The following DNAJC15 variants were observed in gnomAD, a reference collection of about 807,000 sequenced individuals.
DNAJC15 encodes dnaJ homolog subfamily C member 15.
A neutral mutation model predicts 22.4 loss-of-function variants in DNAJC15; 27 were observed. The ratio of observed to expected loss-of-function variants is 1.20; its 90% confidence interval spans 0.89 to 1.66. The LOEUF (loss-of-function observed/expected upper bound fraction) is 1.66. DNAJC15 is among the 40% of genes most tolerant of loss of function. DNAJC15 has a pLI of 0.00. For missense variants in DNAJC15, 208 were observed against 187.1 expected (o/e 1.11, Z -0.65); for synonymous variants, 79 against 63.2 (o/e 1.25, Z -1.19).
intron 3 of DNAJC15, among the ~76,000 whole-genome samples, chr13:43,077,005 A>G (rs953886325): frequency 6.6e-6 from 1 of 152,184 alleles, no homozygotes; most frequent in Non-Finnish European, 1.5e-5. Flanking sequence ...AAAGTGTTGC[A>G]GTCTTTAGGG....
rs2040581216 is a variant in DNAJC15 at position 43,065,865 on chromosome 13, T to G, written c.160+128T>G. The stretch of plus-strand genomic sequence containing the variant: ...TCAGACATAATACATTCTCATTCTT[T>G]CCACCATTTGTAGTTACTGAACATT... On this transcript the variant is annotated intron_variant, in intron 2 of 5. Coordinates refer to ENST00000379221, the MANE Select transcript of DNAJC15 (RefSeq NM_013238.3). 4.0e-6 allele frequency: 3 copies of G among 755,848 alleles called. No homozygotes were observed. The South Asian group carries it at 6.3e-5, about 16-fold the overall frequency. 46.8% of individuals were successfully genotyped at this position (755,848 alleles called of 1,614,324 possible). A position where few individuals can be genotyped will look rare whatever the true frequency, so the allele number is the denominator to read the frequency against.
chr13:43,037,669 G>A (rs2040435039), intron 1 of DNAJC15, among the ~76,000 whole-genome samples: 1 of 151,868 alleles, frequency 6.6e-6, no homozygotes, highest in Non-Finnish European at 1.5e-5. Flanking sequence ...TATAGTAATT[G>A]TAATAGCTAC....
chr13:43,107,494 A>ATGTTTTGTT lies in DNAJC15; in HGVS notation c.*246_*247insTGTTTTGTT, dbSNP rs2040803164. On this transcript the variant is annotated 3_prime_UTR_variant, in exon 6 of 6. Transcript: ENST00000379221. ...TTGTTTGTGACATTCATACATTTTT[A>ATGTTTTGTT]AGATTTTTGTTATGTTCTGAATTCC... 1 of 268,702 alleles carries ATGTTTTGTT rather than the reference A, an allele frequency of 3.7e-6. No individual in the cohort carries two copies. The allele number at this position is 268,702 out of a possible 1,614,324, so 16.6% of individuals were successfully genotyped here.
intron 1 of DNAJC15, among the ~76,000 whole-genome samples, chr13:43,037,806 ACAC>A (rs2040435588): frequency 6.6e-6 from 1 of 152,246 alleles, no homozygotes; most frequent in Non-Finnish European, 1.5e-5. Context: ...AGATGAAGGA[ACAC>A]ATGGAGGTCA....
chr13:43,073,573 A>AT (rs1323606239), intron 3 of DNAJC15, among the ~76,000 whole-genome samples: 3 of 152,234 alleles, frequency 2.0e-5, no homozygotes, highest in East Asian at 3.9e-4. Context: ...AGTTTCGCTG[A>AT]TTTTTTTATT....
At chr13:43,062,772 G>A (rs557651335) in intron 1 of DNAJC15, among the ~76,000 whole-genome samples, 97 of 152,106 alleles carry the variant, frequency 6.4e-4, no homozygotes, top group African/African-American at 2.2e-3. Flanking sequence ...AGGCTGGAGT[G>A]CAATGGTGCA....
chr13:43,060,797 G>A (rs2040555153), intron 1 of DNAJC15, among the ~76,000 whole-genome samples: 1 of 152,140 alleles, frequency 6.6e-6, no homozygotes, highest in Non-Finnish European at 1.5e-5. Flanking sequence ...TATAGAGGTG[G>A]GAAGGCCAAA....
chr13:43,102,138 T>G (rs1277195660), intron 5 of DNAJC15, among the ~76,000 whole-genome samples: 3 of 152,220 alleles, frequency 2.0e-5, no homozygotes, highest in Non-Finnish European at 2.9e-5. Context: ...AGGAGTAAGA[T>G]GGTATGGCAT....
chr13:43,063,833 A>T (rs994394160), intron 1 of DNAJC15, among the ~76,000 whole-genome samples: 1 of 152,246 alleles, frequency 6.6e-6, no homozygotes, highest in East Asian at 1.9e-4. Context: ...AAACAAAATT[A>T]TAAGGGAAGA....
intron 3 of DNAJC15, among the ~76,000 whole-genome samples, chr13:43,071,120 A>C (rs897332139): frequency 2.0e-5 from 3 of 152,242 alleles, no homozygotes; most frequent in Non-Finnish European, 4.4e-5. Context: ...GTGCAAAACT[A>C]CATTATTTAA....
intron 5 of DNAJC15, among the ~76,000 whole-genome samples, chr13:43,094,914 A>G (rs2040732363): frequency 6.6e-6 from 1 of 151,826 alleles, no homozygotes; most frequent in Non-Finnish European, 1.5e-5. Context: ...TTTACCTCTA[A>G]ATTTCCTCCC....
intron 1 of DNAJC15, among the ~76,000 whole-genome samples, chr13:43,046,743 G>A (rs527428546): frequency 1.8e-4 from 28 of 152,230 alleles, no homozygotes; most frequent in African/African-American, 6.7e-4. Flanking sequence ...CTTCTGGTCC[G>A]TGTTTGTTAC....
At chr13:43,090,739 G>T (rs1203034734) in intron 5 of DNAJC15, among the ~76,000 whole-genome samples, 2 of 140,702 alleles carry the variant, frequency 1.4e-5, no homozygotes, top group African/African-American at 5.3e-5. Flanking sequence ...ATAGAGTCTT[G>T]CTCCGTTGCC....
At chr13:43,087,768 C>G (rs1247342596) in intron 5 of DNAJC15, among the ~76,000 whole-genome samples, 1 of 152,172 alleles carries the variant, frequency 6.6e-6, no homozygotes, top group East Asian at 1.9e-4. Flanking sequence ...TAATTTGTTA[C>G]ACATTTCATT....
intron 1 of DNAJC15, among the ~76,000 whole-genome samples, chr13:43,062,717 T>TTTTTA (rs1566207523): frequency 2.0e-5 from 3 of 152,148 alleles, no homozygotes; most frequent in African/African-American, 7.2e-5. Flanking sequence ...ATATTTTTCT[T>TTTTTA]TTTTCTTTTC....
intron 1 of DNAJC15, among the ~76,000 whole-genome samples, chr13:43,047,223 G>T (rs1230335306): frequency 6.6e-6 from 1 of 152,144 alleles, no homozygotes; most frequent in Non-Finnish European, 1.5e-5. Flanking sequence ...CTAGATTTTG[G>T]AAATCCAAAG....
intron 4 of DNAJC15, among the ~76,000 whole-genome samples, chr13:43,079,595 TTGCTATAC>T (rs1296169368): frequency 3.3e-5 from 5 of 152,108 alleles, no homozygotes; most frequent in Non-Finnish European, 5.9e-5. Context: ...ATTAGGAAGT[TTGCTATAC>T]TGCCAACTAT....
intron 1 of DNAJC15, among the ~76,000 whole-genome samples, chr13:43,031,857 G>A (rs2040405464): frequency 1.3e-5 from 2 of 152,030 alleles, no homozygotes; most frequent in African/African-American, 2.4e-5. Context: ...ATTATGTCAC[G>A]GTCTAACTAG....
chr13:43,026,568 G>A (rs749426365), intron 1 of DNAJC15, among the ~76,000 whole-genome samples: 46 of 151,948 alleles, frequency 3.0e-4, no homozygotes, highest in Non-Finnish European at 6.2e-4. Context: ...TGGAAGTACT[G>A]AAAGCAATGA....
Sources: gnomAD v4.1 joint callset for allele counts (sites outside exome capture counted in the v4.1 genomes callset) on GRCh38, gnomAD v4.1.1 for gene constraint, MANE v1.5 for transcripts, NCBI Gene and HGNC (gene_info 2026-07-23, HGNC 2026-07-21) for gene names.